The following HSD11B1 variants were observed in gnomAD, a reference collection of about 807,000 sequenced individuals.
HSD11B1 encodes 11-beta-hydroxysteroid dehydrogenase 1.
Under a neutral mutation model 22.1 loss-of-function variants are expected in HSD11B1, and 15 were observed. The ratio of observed to expected loss-of-function variants is 0.68; its 90% CI spans 0.45 to 1.04. The LOEUF is 1.04. Ranked by LOEUF, HSD11B1 falls within the 50% of genes least tolerant of loss-of-function variation. The pLI is 0.00. For synonymous variants in HSD11B1, 122 were observed against 125.2 expected (o/e 0.97, Z 0.17); for missense variants, 281 against 357.6 (o/e 0.79, Z 1.73).
chr1:209,732,146 G>C, intron 4 of HSD11B1, among the ~76,000 whole-genome samples: 1 of 152,200 alleles, frequency 6.6e-6, no homozygotes, highest in Non-Finnish European at 1.5e-5. Context: ...AGAGTTAGCA[G>C]CTGTGGAATT....
intron 1 of HSD11B1, among the ~76,000 whole-genome samples, chr1:209,694,670 C>A (rs2076780227): frequency 6.6e-6 from 1 of 152,200 alleles, no homozygotes; most frequent in Non-Finnish European, 1.5e-5. Flanking sequence ...GTGTGAAGAA[C>A]TGGATGGATT....
intron 4 of HSD11B1, among the ~76,000 whole-genome samples, chr1:209,719,836 A>G (rs562068107): frequency 5.3e-4 from 81 of 152,300 alleles, no homozygotes; most frequent in African/African-American, 1.9e-3. Flanking sequence ...AGTCTTTCCT[A>G]TTGTGAATAG....
chr1:209,704,538 A>C (rs78790209), upstream of HSD11B1, among the ~76,000 whole-genome samples: 1,159 of 152,220 alleles, frequency 7.6e-3, 19 homozygotes, highest in African/African-American at 0.026. Context: ...GAAGCCCTAC[A>C]TGCACTCCTC....
intron 1 of HSD11B1, among the ~76,000 whole-genome samples, chr1:209,695,097 T>G (rs1456164300): frequency 6.6e-6 from 1 of 152,212 alleles, no homozygotes; most frequent in Non-Finnish European, 1.5e-5. Flanking sequence ...TGTTTGGCTG[T>G]TCCCCCCTTT....
At chr1:209,731,769 C>T (rs909834618) in intron 4 of HSD11B1, among the ~76,000 whole-genome samples, 9 of 152,134 alleles carry the variant, frequency 5.9e-5, no homozygotes, top group African/African-American at 1.9e-4. Flanking sequence ...AGCTGCAGTG[C>T]GGTGGCGCGA....
intron 4 of HSD11B1, among the ~76,000 whole-genome samples, chr1:209,721,106 G>A (rs1259614544): frequency 6.6e-6 from 1 of 152,166 alleles, no homozygotes; most frequent in East Asian, 1.9e-4. Context: ...AGGCAAGGAA[G>A]CACTCTCCCT....
chr1:209,712,053 C>T (rs1349370468), intron 4 of HSD11B1, among the ~76,000 whole-genome samples: 2 of 152,160 alleles, frequency 1.3e-5, no homozygotes, highest in Non-Finnish European at 2.9e-5. Context: ...ATGGAAATAG[C>T]AAGGTTCTAC....
At chr1:209,708,897 G>T (rs1185172991) in intron 4 of HSD11B1, among the ~76,000 whole-genome samples, 2 of 152,190 alleles carry the variant, frequency 1.3e-5, no homozygotes, top group Admixed American at 1.3e-4. Context: ...AATCTAGCTG[G>T]ATGAGTATCT....
intron 1 of HSD11B1, among the ~76,000 whole-genome samples, chr1:209,688,975 G>T (rs2076743594): frequency 6.6e-6 from 1 of 152,170 alleles, no homozygotes; most frequent in East Asian, 1.9e-4. Flanking sequence ...AGGAGTTGGA[G>T]GAACAGGTGG....
intron 4 of HSD11B1, among the ~76,000 whole-genome samples, chr1:209,707,518 T>C (rs180694445): frequency 1.4e-3 from 213 of 152,164 alleles, no homozygotes; most frequent in African/African-American, 4.6e-3. Flanking sequence ...AAGAGACTTG[T>C]AGGGGGGTGA....
At chr1:209,688,314 C>A (rs1014483352) in intron 1 of HSD11B1, among the ~76,000 whole-genome samples, 2 of 152,292 alleles carry the variant, frequency 1.3e-5, no homozygotes, top group Admixed American at 6.5e-5. Flanking sequence ...GACCACCTCC[C>A]AGAGCCCTTT....
At chr1:209,721,469 C>CA (rs3059693) in intron 4 of HSD11B1, among the ~76,000 whole-genome samples, 1,620 of 101,784 alleles carry the variant, frequency 0.016, 35 homozygotes, top group African/African-American at 0.032. Flanking sequence ...ATTTCAAAAG[C>CA]AAAAAAAAAA....
At chr1:209,695,167 A>G (rs1383733796) in intron 1 of HSD11B1, among the ~76,000 whole-genome samples, 1 of 152,178 alleles carries the variant, frequency 6.6e-6, no homozygotes, top group Non-Finnish European at 1.5e-5. Flanking sequence ...GCCTTCCACC[A>G]TGATTGTAAG....
At chr1:209,707,773 T>G (rs993878685) in intron 4 of HSD11B1, among the ~76,000 whole-genome samples, 15 of 152,210 alleles carry the variant, frequency 9.9e-5, no homozygotes, top group Non-Finnish European at 2.1e-4. Flanking sequence ...AGAGACCTAG[T>G]CACAATGGAT....
chr1:209,688,467 C>G (rs1002987333), intron 1 of HSD11B1, among the ~76,000 whole-genome samples: 5 of 152,166 alleles, frequency 3.3e-5, no homozygotes, highest in African/African-American at 1.2e-4. Flanking sequence ...AAGCAGACAC[C>G]ACATATTAGT....
intron 4 of HSD11B1, among the ~76,000 whole-genome samples, chr1:209,722,878 T>C (rs1571883409): frequency 6.6e-6 from 1 of 152,170 alleles, no homozygotes; most frequent in Non-Finnish European, 1.5e-5. Flanking sequence ...TTTGAATTGG[T>C]AATCATTTCA....
chr1:209,690,927 T>G (rs921686086), intron 1 of HSD11B1, among the ~76,000 whole-genome samples: 2 of 152,042 alleles, frequency 1.3e-5, no homozygotes, highest in African/African-American at 4.8e-5. Context: ...TCTCTAAAAT[T>G]TACCAAAATA....
intron 1 of HSD11B1, among the ~76,000 whole-genome samples, chr1:209,690,259 T>C (rs2076751414): frequency 6.6e-6 from 1 of 152,234 alleles, no homozygotes; most frequent in Admixed American, 6.5e-5. Flanking sequence ...TAAGCTGTGA[T>C]GGCGCCACTG....
chr1:209,693,377 CCTT>C (rs893097270), intron 1 of HSD11B1, among the ~76,000 whole-genome samples: 5 of 152,190 alleles, frequency 3.3e-5, no homozygotes, highest in African/African-American at 9.7e-5. Context: ...TAAGTTCCCA[CCTT>C]CTTCTTCCTG....
Sources: allele counts gnomAD v4.1 joint callset (sites outside exome capture counted in the v4.1 genomes callset), GRCh38; gene constraint gnomAD v4.1.1; transcripts MANE v1.5; gene names NCBI Gene and HGNC (gene_info 2026-07-23, HGNC 2026-07-21).